Variants in STK39 observed in about 807,000 individuals in gnomAD.
STK39 encodes serine/threonine kinase 39.
In STK39, 20 loss-of-function variants were observed where a neutral mutation model predicts 77.8. The ratio of observed to expected loss-of-function variants is 0.26; its 90% CI spans 0.18 to 0.37. The LOEUF is 0.37. Ranked by LOEUF, STK39 falls within the 10% of genes least tolerant of loss-of-function variation. The pLI, the probability that STK39 is intolerant of heterozygous loss-of-function variation, is 1.00. For missense variants in STK39, 479 were observed against 656.5 expected, an observed-to-expected ratio of 0.73 and a Z score of 2.95; for synonymous variants, 246 against 234.1, an observed-to-expected ratio of 1.05 and a Z score of -0.47.
intron 14 of STK39, among the ~76,000 whole-genome samples, chr2:168,021,134 T>C (rs912753331): frequency 6.6e-6 from 1 of 152,174 alleles, no homozygotes; most frequent in Non-Finnish European, 1.5e-5. Flanking sequence ...TTCCTTTCCA[T>C]CAGTCTTATT....
chr2:168,030,951 C>T (rs111628971), intron 14 of STK39, among the ~76,000 whole-genome samples: 1 of 152,172 alleles, frequency 6.6e-6, no homozygotes, highest in Middle Eastern at 3.2e-3. Flanking sequence ...TGCCAGGAGA[C>T]CGGATGAGGA....
chr2:168,200,581 G>C (rs574659230), intron 1 of STK39, among the ~76,000 whole-genome samples: 1 of 152,226 alleles, frequency 6.6e-6, no homozygotes, highest in Admixed American at 6.5e-5. Flanking sequence ...GGAGGCTGAG[G>C]CACCAGAATC....
intron 12 of STK39, among the ~76,000 whole-genome samples, chr2:168,073,104 G>T (rs1472817752): frequency 4.6e-5 from 7 of 152,110 alleles, no homozygotes; most frequent in African/African-American, 1.7e-4. Flanking sequence ...ATTTAAGAAG[G>T]TCAGTACTGA....
chr2:168,079,065 T>C (rs902007267), intron 10 of STK39, among the ~76,000 whole-genome samples: 2 of 152,244 alleles, frequency 1.3e-5, no homozygotes, highest in African/African-American at 4.8e-5. Context: ...TTGCTGTTTA[T>C]CATGTACTTG....
intron 16 of STK39, among the ~76,000 whole-genome samples, chr2:167,994,766 T>C (rs1301570170): frequency 1.3e-5 from 2 of 152,200 alleles, no homozygotes; most frequent in African/African-American, 4.8e-5. Context: ...AGAATTTTAA[T>C]AAACTTAAAA....
At chr2:168,111,151 C>G (rs541842745) in intron 10 of STK39, among the ~76,000 whole-genome samples, 1 of 152,178 alleles carries the variant, frequency 6.6e-6, no homozygotes, top group South Asian at 2.1e-4. Context: ...ATTCATAGTT[C>G]ATTATAGGGT....
intron 10 of STK39, among the ~76,000 whole-genome samples, chr2:168,079,043 A>G (rs1255204845): frequency 1.3e-5 from 2 of 152,242 alleles, no homozygotes; most frequent in Non-Finnish European, 2.9e-5. Flanking sequence ...TATAAAAAAT[A>G]TTTCTAATTA....
intron 12 of STK39, among the ~76,000 whole-genome samples, chr2:168,071,313 G>T (rs1398520172): frequency 6.6e-6 from 1 of 151,852 alleles, no homozygotes; most frequent in African/African-American, 2.4e-5. Flanking sequence ...AACATGTATA[G>T]TGTCTACTAG....
intron 14 of STK39, among the ~76,000 whole-genome samples, chr2:168,026,173 T>A (rs529188910): frequency 6.6e-6 from 1 of 152,326 alleles, no homozygotes; most frequent in East Asian, 1.9e-4. Context: ...CAGAAAATGA[T>A]GGTCAGTTTA....
intron 14 of STK39, among the ~76,000 whole-genome samples, chr2:168,045,460 A>C (rs1685215714): frequency 6.6e-6 from 1 of 151,194 alleles, no homozygotes; most frequent in African/African-American, 2.4e-5. Context: ...AATTTATTTG[A>C]ACTATTCTCC....
At chr2:168,059,298 C>G (rs1685603635) in intron 14 of STK39, among the ~76,000 whole-genome samples, 1 of 152,300 alleles carries the variant, frequency 6.6e-6, no homozygotes, top group Admixed American at 6.5e-5. Context: ...GGATGTCACT[C>G]CTGCGATTAA....
intron 10 of STK39, among the ~76,000 whole-genome samples, chr2:168,077,646 T>A (rs1326717139): frequency 1.3e-5 from 2 of 152,144 alleles, no homozygotes; most frequent in Admixed American, 6.5e-5. Flanking sequence ...TACTAACTTG[T>A]CTTTGAGAAT....
chr2:168,208,023 T>C (rs772151831), intron 1 of STK39, among the ~76,000 whole-genome samples: 12 of 152,204 alleles, frequency 7.9e-5, no homozygotes, highest in Non-Finnish European at 1.3e-4. Flanking sequence ...TGGCTCATTA[T>C]TTGACTCAGC....
intron 5 of STK39, among the ~76,000 whole-genome samples, chr2:168,151,662 C>T (rs535465189): frequency 6.6e-6 from 1 of 151,658 alleles, no homozygotes; most frequent in Non-Finnish European, 1.5e-5. Context: ...TCGCTTGAAC[C>T]CAGGAGGTGG....
intron 7 of STK39, among the ~76,000 whole-genome samples, chr2:168,140,034 C>T (rs1427564211): frequency 2.0e-5 from 3 of 152,156 alleles, no homozygotes; most frequent in African/African-American, 7.2e-5. Context: ...TAGCTATCAA[C>T]CTCCATCAAC....
intron 16 of STK39, among the ~76,000 whole-genome samples, chr2:167,983,098 A>G (rs192389927): frequency 6.6e-6 from 1 of 152,302 alleles, no homozygotes; most frequent in Non-Finnish European, 1.5e-5. Flanking sequence ...TGTTGAGGAT[A>G]ATATGTTAAC....
At chr2:168,225,416 C>A (rs185736682) in intron 1 of STK39, among the ~76,000 whole-genome samples, 4 of 152,184 alleles carry the variant, frequency 2.6e-5, no homozygotes, top group Non-Finnish European at 4.4e-5. Flanking sequence ...GTATCAGGTT[C>A]CAGGTATATT....
At chr2:168,211,360 G>A (rs140462940) in intron 1 of STK39, among the ~76,000 whole-genome samples, 32 of 152,320 alleles carry the variant, frequency 2.1e-4, no homozygotes, top group Admixed American at 9.2e-4. Flanking sequence ...AGAGGAAGTA[G>A]TAGTAATTAT....
intron 14 of STK39, among the ~76,000 whole-genome samples, chr2:168,026,456 T>C (rs1333552912): frequency 6.6e-6 from 1 of 152,342 alleles, no homozygotes; most frequent in East Asian, 1.9e-4. Flanking sequence ...TTAAGTGGCT[T>C]GTCTAAGATA....
Sources: allele counts gnomAD v4.1 joint callset (sites outside exome capture counted in the v4.1 genomes callset), GRCh38; gene constraint gnomAD v4.1.1; transcripts MANE v1.5; gene names NCBI Gene and HGNC (gene_info 2026-07-23, HGNC 2026-07-21).